CACNG4: variants seen among roughly 807,000 people sequenced by gnomAD.
CACNG4 encodes calcium voltage-gated channel auxiliary subunit gamma 4.
Under a neutral mutation model 22.9 loss-of-function variants are expected in CACNG4, and 8 were observed. The ratio of observed to expected loss-of-function variants is 0.35; its 90% CI spans 0.21 to 0.63. The LOEUF (loss-of-function observed/expected upper bound fraction) is 0.63, where lower values mean the gene tolerates loss of function less well. Among genes scored for constraint, CACNG4 ranks in the 30% least tolerant of loss-of-function variants. The pLI, the probability that CACNG4 is intolerant of heterozygous loss-of-function variation, is 0.72. For missense variants in CACNG4, 357 were observed against 455.4 expected (o/e 0.78, Z 1.97); for synonymous variants, 188 against 191.9 (o/e 0.98, Z 0.17).
At chr17:67,019,005 CAGCAGCCAGGGAGG>C (rs1331954179) in intron 2 of CACNG4, among the ~76,000 whole-genome samples, 2 of 152,074 alleles carry the variant, frequency 1.3e-5, no homozygotes, top group Non-Finnish European at 2.9e-5. Flanking sequence ...ACCTCCCTGG[CAGCAGCCAGGGAGG>C]AGCCTGCAAA....
At chr17:67,015,441 G>A (rs1181698515) in intron 1 of CACNG4, among the ~76,000 whole-genome samples, 1 of 152,196 alleles carries the variant, frequency 6.6e-6, no homozygotes, top group Non-Finnish European at 1.5e-5. Flanking sequence ...GTGACCAAGT[G>A]TTCTGTATCC....
chr17:66,969,925 G>A (rs2143269980), intron 1 of CACNG4, among the ~76,000 whole-genome samples: 1 of 152,274 alleles, frequency 6.6e-6, no homozygotes, highest in East Asian at 1.9e-4. Flanking sequence ...CCCAGAGGCA[G>A]CCTGTCCAGT....
At chr17:67,026,847 A>C (rs573061922) in intron 3 of CACNG4, among the ~76,000 whole-genome samples, 1 of 152,052 alleles carries the variant, frequency 6.6e-6, no homozygotes, top group East Asian at 1.9e-4. Context: ...TGGGAGAAGC[A>C]TGAACCTCCC....
intron 1 of CACNG4, among the ~76,000 whole-genome samples, chr17:67,017,680 G>A (rs2035507965): frequency 6.6e-6 from 1 of 152,090 alleles, no homozygotes; most frequent in Admixed American, 6.5e-5. Flanking sequence ...ACCACGGCCA[G>A]CTAATTTTTG....
At chr17:67,029,395 G>A (rs56225784) in intron 3 of CACNG4, among the ~76,000 whole-genome samples, 19,919 of 152,014 alleles carry the variant, frequency 0.13, 1,588 homozygotes, top group South Asian at 0.19. Context: ...CCTTTGGGAG[G>A]CCGAGGCAGG....
At chr17:67,025,544 G>A (rs961038950) in intron 3 of CACNG4, among the ~76,000 whole-genome samples, 1 of 152,244 alleles carries the variant, frequency 6.6e-6, no homozygotes, top group Non-Finnish European at 1.5e-5. Context: ...GGAAGAGTGA[G>A]CGGGGAAGCT....
intron 1 of CACNG4, among the ~76,000 whole-genome samples, chr17:66,988,227 C>A (rs965115557): frequency 3.9e-5 from 6 of 152,124 alleles, no homozygotes; most frequent in Non-Finnish European, 8.8e-5. Flanking sequence ...TCATCCTGTC[C>A]TGTTGCCATG....
rs2035574612 is a variant in CACNG4, at chr17:67,027,372, G to C, written c.445+2372G>C. Among the ~76,000 whole-genome samples the C allele has an allele frequency of 6.6e-6, 1 of 152,238 alleles. No individual in the cohort carries two copies. ...GCAGAGAAGGTGGCCGCGGCTGGCT[G>C]CAAGGAAGCAATGGGGAGGCCAGCA... On this transcript the variant is annotated intron_variant, in intron 3 of 3. Coordinates refer to ENST00000262138, the MANE Select transcript of CACNG4 (RefSeq NM_014405.4). This position sits in a 1 kb window ranked among gnomAD's most constrained non-coding sequence, Gnocchi z 4.3.
chr17:66,985,925 CAA>C (rs1421998772), intron 1 of CACNG4, among the ~76,000 whole-genome samples: 1 of 150,438 alleles, frequency 6.6e-6, no homozygotes, highest in Non-Finnish European at 1.5e-5. Context: ...AAGATGAACA[CAA>C]GTTTGTTTAA....
chr17:66,982,181 C>T (rs1417248102), intron 1 of CACNG4, among the ~76,000 whole-genome samples: 6 of 152,232 alleles, frequency 3.9e-5, no homozygotes, highest in Non-Finnish European at 5.9e-5. Flanking sequence ...TGGGAGGAGA[C>T]CCAAGCGGAT....
chr17:66,990,289 C>T (rs1337211239), intron 1 of CACNG4, among the ~76,000 whole-genome samples: 1 of 152,254 alleles, frequency 6.6e-6, no homozygotes, highest in African/African-American at 2.4e-5. Flanking sequence ...GTCCTTGCCA[C>T]GTGGCCCCCT....
At chr17:67,001,333 C>T (rs1300494489) in intron 1 of CACNG4, among the ~76,000 whole-genome samples, 1 of 152,112 alleles carries the variant, frequency 6.6e-6, no homozygotes, top group African/African-American at 2.4e-5. Flanking sequence ...CACATGGCTC[C>T]CTCCAGCTCC....
chr17:66,990,975 C>T (rs1228958639), intron 1 of CACNG4, among the ~76,000 whole-genome samples: 6 of 152,128 alleles, frequency 3.9e-5, no homozygotes, highest in Admixed American at 6.5e-5. Flanking sequence ...CCACCGCGCC[C>T]GGCCTAAGTC....
chr17:66,981,717 C>G (rs78584682), intron 1 of CACNG4, among the ~76,000 whole-genome samples: 3,550 of 152,274 alleles, frequency 0.023, 113 homozygotes, highest in African/African-American at 0.082. Flanking sequence ...CTGCTGGCTC[C>G]TCTGTTTAGA....
chr17:67,006,898 G>A (rs2035441174), intron 1 of CACNG4, among the ~76,000 whole-genome samples: 1 of 151,824 alleles, frequency 6.6e-6, no homozygotes, highest in Non-Finnish European at 1.5e-5. Flanking sequence ...AATGAGGCTG[G>A]ATGCAGTGGC....
At chr17:67,009,830 A>G (rs970370793) in intron 1 of CACNG4, among the ~76,000 whole-genome samples, 4 of 151,952 alleles carry the variant, frequency 2.6e-5, no homozygotes, top group Admixed American at 6.6e-5. Flanking sequence ...AGCTCCACTA[A>G]TCACCTCCTA....
At chr17:67,014,956 AAAAG>A (rs1555579547) in intron 1 of CACNG4, among the ~76,000 whole-genome samples, 8 of 150,396 alleles carry the variant, frequency 5.3e-5, no homozygotes, top group Non-Finnish European at 7.4e-5. Context: ...AAAAAAAAAA[AAAAG>A]AAAGAAAGAA....
intron 1 of CACNG4, among the ~76,000 whole-genome samples, chr17:66,973,706 C>T (rs1457727988): frequency 6.6e-6 from 1 of 152,208 alleles, no homozygotes; most frequent in Admixed American, 6.5e-5. Context: ...AGCGGCACTG[C>T]CCTCCATGAC....
chr17:67,032,243 G>A lies in CACNG4; in HGVS notation c.*1239G>A, dbSNP rs1462622359. 7 of 336,352 alleles carry A rather than the reference G, an allele frequency of 2.1e-5. No individual in the cohort carries two copies. The East Asian group carries it at 5.5e-4, about 27-fold the overall frequency. 20.8% of individuals were successfully genotyped at this position (336,352 alleles called of 1,614,324 possible). A position where few individuals can be genotyped will look rare whatever the true frequency, so the allele number is the denominator to read the frequency against. ...GCACTTTGTCCGGAGCTGAGGAAGT[G>A]GTTTCTGTGTTTTACAGTTTTTCCA... On this transcript the variant is annotated 3_prime_UTR_variant, in exon 4 of 4. Transcript: ENST00000262138.
Sources: gnomAD v4.1 joint callset for allele counts (sites outside exome capture counted in the v4.1 genomes callset) on GRCh38, gnomAD v4.1.1 for gene constraint, Gnocchi (gnomAD v3.1) non-coding constraint, MANE v1.5 for transcripts, NCBI Gene and HGNC (gene_info 2026-07-23, HGNC 2026-07-21) for gene names.